FABP7: variants seen among roughly 807,000 people sequenced by gnomAD.
FABP7 encodes fatty acid-binding protein, brain.
In FABP7, 13 loss-of-function variants were observed where a neutral mutation model predicts 14.2. That is an observed-to-expected ratio of 0.91 (90% CI 0.59 to 1.45). The LOEUF is 1.45. FABP7 is among the 40% of genes most tolerant of loss of function. The pLI is 0.00. For synonymous variants in FABP7, 49 were observed against 51.4 expected, an observed-to-expected ratio of 0.95 and a Z score of 0.20; for missense variants, 149 against 157.6, an observed-to-expected ratio of 0.95 and a Z score of 0.29.
rs78703834 is a variant in FABP7 at position 122,782,683 on chromosome 6, G to A, written c.349-1034G>A. 6.8e-5 allele frequency: 67 copies of A among 985,352 alleles called. No homozygotes were observed. In the East Asian group the frequency reaches 3.3e-3, roughly 48 times the overall value. 61.0% of individuals were successfully genotyped at this position (985,352 alleles called of 1,614,324 possible). On this transcript the variant is annotated intron_variant, in intron 3 of 3. Coordinates refer to ENST00000368444, the MANE Select transcript of FABP7 (RefSeq NM_001446.5). ...AGAATGCTTTACATAGTCCTTGTACGATGACAGCAGAGAAAGTTTTGTTGT... is the reference window on the plus strand; with the variant it reads ...AGAATGCTTTACATAGTCCTTGTACAATGACAGCAGAGAAAGTTTTGTTGT...
the FABP7 span, among the ~76,000 whole-genome samples, chr6:122,755,120 CACTT>C: frequency 1.3e-5 from 2 of 152,152 alleles, no homozygotes; most frequent in East Asian, 1.9e-4. Flanking sequence ...CTCTCTCTCT[CACTT>C]ACTCACCTTG....
At chr6:122,780,492 G>T (rs1780757860) in intron 2 of FABP7, 29 bp downstream of exon 2, 1 of 1,599,048 alleles carries the variant, frequency 6.3e-7, no homozygotes, top group Non-Finnish European at 8.5e-7. Flanking sequence ...TTCAGAGTGG[G>T]GATGGGGAGA....
chr6:122,783,930 C>A lies in FABP7; in HGVS notation c.*163C>A. The A allele has an allele frequency of 4.2e-6, 2 of 475,546 alleles. No individual in the cohort carries two copies. Among genetic ancestry groups the A allele is most frequent in the Non-Finnish European group, 3.7e-6 (1 of 271,384 alleles). The allele number at this position is 475,546 out of a possible 1,614,324, so 29.5% of individuals were successfully genotyped here. On this transcript the variant is annotated 3_prime_UTR_variant, in exon 4 of 4. Coordinates refer to ENST00000368444, the MANE Select transcript of FABP7 (RefSeq NM_001446.5). The stretch of plus-strand genomic sequence containing the variant: ...AACTTGTTACTCCAAGCAACTTGCC[C>A]AATTTTAATCTGAAAATTTATCATG...
intron 3 of FABP7, chr6:122,781,644 T>C (rs1341796261): frequency 1.9e-6 from 2 of 1,055,278 alleles, no homozygotes; most frequent in Non-Finnish European, 1.1e-6. Context: ...TTTTAATTTA[T>C]AAAGTTACAC....
the FABP7 span, among the ~76,000 whole-genome samples, chr6:122,765,395 A>C: frequency 0.055 from 8,387 of 152,166 alleles, 346 homozygotes; most frequent in Non-Finnish European, 0.089. Flanking sequence ...AGATAAAGAT[A>C]GATCGATTTA....
the FABP7 span, among the ~76,000 whole-genome samples, chr6:122,764,473 C>T: frequency 1.4e-4 from 21 of 151,956 alleles, no homozygotes; most frequent in Middle Eastern, 3.2e-3. Flanking sequence ...ACCAACATGG[C>T]ACATGTATAC....
At chr6:122,773,913 T>A in the FABP7 span, among the ~76,000 whole-genome samples, 23 of 152,254 alleles carry the variant, frequency 1.5e-4, no homozygotes, top group African/African-American at 5.3e-4. Context: ...CAGGTCTTTA[T>A]AATGAATTCT....
chr6:122,756,447 T>A, the FABP7 span, among the ~76,000 whole-genome samples: 966 of 152,252 alleles, frequency 6.3e-3, 5 homozygotes, highest in Non-Finnish European at 8.8e-3. Flanking sequence ...AAAAAGGACT[T>A]CCTGTCGGCA....
the FABP7 span, among the ~76,000 whole-genome samples, chr6:122,773,936 C>A: frequency 6.6e-6 from 1 of 151,204 alleles, no homozygotes; most frequent in Admixed American, 6.6e-5. Flanking sequence ...ACCATTAGTG[C>A]CACTAGTTAA....
chr6:122,753,784 G>GCTCC, the FABP7 span, among the ~76,000 whole-genome samples: 1 of 35,540 alleles, frequency 2.8e-5, no homozygotes, highest in Non-Finnish European at 5.5e-5. Context: ...TCCAAATCCC[G>GCTCC]CCCCCCCCCC....
In FABP7 at chr6:122,780,389, T is replaced by G. The variant is rs1562339438; in HGVS notation, c.172T>G (p.Phe58Val). The G allele has an allele frequency of 6.2e-7, 1 of 1,614,122 alleles. No homozygotes were observed. Among genetic ancestry groups the G allele is most frequent in the East Asian group, 2.2e-5 (1 of 44,864 alleles). ...DKVVIRTLST[F>V]KNTEISFQLG... ...AGTGGTCATCAGGACTCTCAGCACATTCAAGAACACGGAGATTAGTTTCCA... is the reference window on the plus strand; with the variant it reads ...AGTGGTCATCAGGACTCTCAGCACAGTCAAGAACACGGAGATTAGTTTCCA... The change falls in exon 2 of 4, where the codon TTC becomes GTC. Residue 58 changes from phenylalanine to valine, a missense_variant. Physicochemically the swap from Phe to Val is conservative, Grantham distance 50 (BLOSUM62 -1). Transcript: ENST00000368444.
At chr6:122,761,764 C>T in the FABP7 span, among the ~76,000 whole-genome samples, 1 of 151,248 alleles carries the variant, frequency 6.6e-6, no homozygotes, top group Admixed American at 6.6e-5. Flanking sequence ...GAAGTCAAAA[C>T]CTCATGGCCT....
In FABP7 at chr6:122,779,742, C is replaced by T; in HGVS notation, c.-53C>T. On this transcript the variant is annotated 5_prime_UTR_variant, in exon 1 of 4. Coordinates refer to ENST00000368444, the MANE Select transcript of FABP7 (RefSeq NM_001446.5). ...TAAAGGGTCTTCTGAGCTGCAGTGG[C>T]AATTAGACCAGAAGATCCCCGCTCC... The T allele has an allele frequency of 6.4e-7, 1 of 1,556,202 alleles. No homozygotes were observed. Among genetic ancestry groups the T allele is most frequent in the Non-Finnish European group, 8.9e-7 (1 of 1,129,216 alleles).
the FABP7 span, among the ~76,000 whole-genome samples, chr6:122,749,764 A>T: frequency 6.6e-6 from 1 of 152,248 alleles, no homozygotes; most frequent in South Asian, 2.1e-4. Context: ...GATAAAAGAC[A>T]AATTAACTTG....
At chr6:122,755,665 T>G in the FABP7 span, among the ~76,000 whole-genome samples, 5 of 151,828 alleles carry the variant, frequency 3.3e-5, no homozygotes, top group African/African-American at 1.2e-4. Context: ...CACCGTGTTA[T>G]CCAGGATGGC....
intron 1 of FABP7, 40 bp from the exon 2 acceptor site, chr6:122,780,251 G>A (rs762713643): frequency 6.2e-7 from 1 of 1,604,148 alleles, no homozygotes; most frequent in Non-Finnish European, 8.5e-7. Context: ...AGTTATTTTG[G>A]AAGTCGCTGC....
chr6:122,759,962 T>C, the FABP7 span, among the ~76,000 whole-genome samples: 3 of 152,044 alleles, frequency 2.0e-5, no homozygotes, highest in South Asian at 6.2e-4. Context: ...CTACTAAAAA[T>C]ACAAAAATTA....
chr6:122,778,242 T>G (rs1780707604), upstream of FABP7, among the ~76,000 whole-genome samples: 1 of 152,188 alleles, frequency 6.6e-6, no homozygotes, highest in Non-Finnish European at 1.5e-5. Context: ...GCCTTGACAT[T>G]AAGTTTGATT....
upstream of FABP7, among the ~76,000 whole-genome samples, chr6:122,779,105 T>C (rs958757394): frequency 6.6e-6 from 1 of 152,160 alleles, no homozygotes; most frequent in Non-Finnish European, 1.5e-5. Context: ...TGCTTCCTCA[T>C]TGACAGTCAG....
Sources: allele counts gnomAD v4.1 joint callset (sites outside exome capture counted in the v4.1 genomes callset), GRCh38; gene constraint gnomAD v4.1.1; transcripts MANE v1.5; gene names NCBI Gene and HGNC (gene_info 2026-07-23, HGNC 2026-07-21).